The following PACRG variants were observed in gnomAD, a reference collection of about 807,000 sequenced individuals.
PACRG encodes parkin coregulated, also known as parkin coregulated gene protein.
A neutral mutation model predicts 29.7 loss-of-function variants in PACRG; 29 were observed. The ratio of observed to expected loss-of-function variants is 0.98; its 90% confidence interval spans 0.73 to 1.33. PACRG has a LOEUF of 1.33. Among genes scored for constraint, PACRG ranks in the 40% most tolerant of loss-of-function variants. PACRG has a pLI of 0.00. For synonymous variants in PACRG, 116 were observed against 118.7 expected, an observed-to-expected ratio of 0.98 and a Z score of 0.15; for missense variants, 279 against 316.2, an observed-to-expected ratio of 0.88 and a Z score of 0.89.
chr6:162,897,240 T>C (rs1263404954), intron 2 of PACRG, among the ~76,000 whole-genome samples: 2 of 152,246 alleles, frequency 1.3e-5, no homozygotes, highest in Admixed American at 6.5e-5. Context: ...AGTAACTTTT[T>C]CAAACTTCAG....
At chr6:162,765,852 T>A (rs538603634) in intron 1 of PACRG, among the ~76,000 whole-genome samples, 1 of 152,194 alleles carries the variant, frequency 6.6e-6, no homozygotes, top group Non-Finnish European at 1.5e-5. Context: ...TAATATTTTA[T>A]ACAATGATTG....
intron 4 of PACRG, among the ~76,000 whole-genome samples, chr6:163,198,640 C>T (rs1780574438): frequency 6.6e-6 from 1 of 152,042 alleles, no homozygotes; most frequent in African/African-American, 2.4e-5. Context: ...GTTGCCTTGC[C>T]CATTAATGAG....
intron 4 of PACRG, among the ~76,000 whole-genome samples, chr6:163,156,881 C>T (rs568728511): frequency 2.6e-5 from 4 of 152,284 alleles, no homozygotes; most frequent in Admixed American, 2.0e-4. Flanking sequence ...CATCTTGTGC[C>T]TCACTCTGCC....
intron 4 of PACRG, among the ~76,000 whole-genome samples, chr6:163,127,932 C>T (rs1816582024): frequency 6.6e-6 from 1 of 152,160 alleles, no homozygotes; most frequent in South Asian, 2.1e-4. Context: ...TTTTTGTAAT[C>T]CATCTCATAA....
At chr6:162,828,888 G>A (rs1010456270) in intron 2 of PACRG, among the ~76,000 whole-genome samples, 2 of 152,056 alleles carry the variant, frequency 1.3e-5, no homozygotes, top group Admixed American at 6.5e-5. Flanking sequence ...ATCAGTGTAA[G>A]AGTTATAACC....
At chr6:162,834,518 TG>T (rs1789049916) in intron 2 of PACRG, among the ~76,000 whole-genome samples, 1 of 152,056 alleles carries the variant, frequency 6.6e-6, no homozygotes, top group African/African-American at 2.4e-5. Flanking sequence ...CACATGTACG[TG>T]TGTATTTTTG....
chr6:163,155,083 T>C (rs1778257277), intron 4 of PACRG, among the ~76,000 whole-genome samples: 1 of 152,224 alleles, frequency 6.6e-6, no homozygotes, highest in Non-Finnish European at 1.5e-5. Context: ...TACTTTCCAC[T>C]TTCTCCCCAT....
intron 2 of PACRG, among the ~76,000 whole-genome samples, chr6:162,882,461 A>G (rs998928750): frequency 3.3e-5 from 5 of 152,148 alleles, no homozygotes; most frequent in African/African-American, 1.2e-4. Flanking sequence ...AAGACTATAG[A>G]TGGATGGAGT....
At chr6:163,106,698 G>A (rs1433394609) in intron 4 of PACRG, among the ~76,000 whole-genome samples, 1 of 152,194 alleles carries the variant, frequency 6.6e-6, no homozygotes. Context: ...CCAATGCAAA[G>A]TACCACTTGT....
chr6:162,776,272 A>G (rs1009756612), intron 1 of PACRG, among the ~76,000 whole-genome samples: 2 of 152,192 alleles, frequency 1.3e-5, no homozygotes, highest in Non-Finnish European at 2.9e-5. Context: ...GCTTTTTACT[A>G]TTGACAGTTA....
chr6:162,866,949 C>T (rs1256239545), intron 2 of PACRG, among the ~76,000 whole-genome samples: 1 of 152,166 alleles, frequency 6.6e-6, no homozygotes, highest in South Asian at 2.1e-4. Flanking sequence ...AGAGGTGTTT[C>T]CTCTGTGGTT....
intron 1 of PACRG, among the ~76,000 whole-genome samples, chr6:162,794,196 C>A (rs1202815637): frequency 1.3e-5 from 2 of 151,970 alleles, no homozygotes; most frequent in East Asian, 1.9e-4. Context: ...TCTATTTGCA[C>A]CCCTGTGATT....
intron 4 of PACRG, among the ~76,000 whole-genome samples, chr6:163,256,842 C>T (rs1783130050): frequency 6.6e-6 from 1 of 152,218 alleles, no homozygotes; most frequent in African/African-American, 2.4e-5. Flanking sequence ...CACTTATCCT[C>T]TCACAGTTGC....
chr6:162,881,286 G>T, intron 2 of PACRG, among the ~76,000 whole-genome samples: 1 of 152,170 alleles, frequency 6.6e-6, no homozygotes, highest in East Asian at 1.9e-4. Flanking sequence ...GCTCCTTAAT[G>T]AACCTGTTTT....
At chr6:163,040,733 T>C (rs1808616414) in intron 2 of PACRG, among the ~76,000 whole-genome samples, 1 of 152,234 alleles carries the variant, frequency 6.6e-6, no homozygotes, top group Admixed American at 6.5e-5. Flanking sequence ...GTGGCTCCTT[T>C]GTTTTGGCTA....
intron 1 of PACRG, among the ~76,000 whole-genome samples, chr6:162,759,997 C>G (rs1359763499): frequency 6.6e-6 from 1 of 152,106 alleles, no homozygotes; most frequent in African/African-American, 2.4e-5. Flanking sequence ...GATATGGCTT[C>G]AAGTAAAGTT....
intron 2 of PACRG, among the ~76,000 whole-genome samples, chr6:162,927,788 CTTAAAA>C (rs908924122): frequency 4.0e-5 from 6 of 151,510 alleles, no homozygotes; most frequent in Non-Finnish European, 7.4e-5. Flanking sequence ...TATCCTAGAA[CTTAAAA>C]TTAAAAAAAG....
intron 4 of PACRG, among the ~76,000 whole-genome samples, chr6:163,257,678 T>G (rs1026731811): frequency 6.6e-6 from 1 of 152,220 alleles, no homozygotes; most frequent in African/African-American, 2.4e-5. Context: ...ATACTGTATA[T>G]ATGTAAGTGT....
At chr6:163,065,858 C>G (rs1451024844) in intron 3 of PACRG, among the ~76,000 whole-genome samples, 1 of 152,074 alleles carries the variant, frequency 6.6e-6, no homozygotes, top group Non-Finnish European at 1.5e-5. Flanking sequence ...TGCACAAGAT[C>G]AATTATAAAT....
Sources: gnomAD v4.1 joint callset for allele counts (sites outside exome capture counted in the v4.1 genomes callset) on GRCh38, gnomAD v4.1.1 for gene constraint, MANE v1.5 for transcripts, NCBI Gene and HGNC (gene_info 2026-07-23, HGNC 2026-07-21) for gene names.